EEF2: variants seen among roughly 807,000 people sequenced by gnomAD.
The protein encoded by EEF2 is eukaryotic translation elongation factor 2, also known as elongation factor 2.
EEF2 carries 21 observed loss-of-function variants against 85.3 expected under a neutral mutation model. The observed-to-expected ratio is 0.25, with a 90% CI of 0.17 to 0.35. The LOEUF (loss-of-function observed/expected upper bound fraction) is 0.35, where lower values mean the gene tolerates loss of function less well. Ranked by LOEUF, EEF2 falls within the 10% of genes least tolerant of loss-of-function variation. The pLI, the probability that EEF2 is intolerant of heterozygous loss-of-function variation, is 1.00. For synonymous variants in EEF2, 723 were observed against 508.8 expected, an observed-to-expected ratio of 1.42 and a Z score of -5.67; for missense variants, 825 against 1,225.3, an observed-to-expected ratio of 0.67 and a Z score of 4.88.
At chr19:3,983,319 G>T (rs1022895526) in intron 2 of EEF2, 28 bp from the exon 3 acceptor site, 1 of 1,605,084 alleles carries the variant, frequency 6.2e-7, no homozygotes. Context: ...TCGTCAGGGG[G>T]ACAGGAGCCA....
At chr19:3,981,089 C>A in intron 7 of EEF2, 110 bp from the exon 8 acceptor site, 1 of 1,458,424 alleles carries the variant, frequency 6.9e-7, no homozygotes, top group South Asian at 1.4e-5. Context: ...GACTAACGTT[C>A]TCCAAAGCAC....
rs563092089 is a variant in EEF2 at position 3,977,563 on chromosome 19, G to A, written c.2115C>T (p.His705=). 8.6e-5 allele frequency: 136 copies of A among 1,573,310 alleles called. 1 individual carries two copies. In the South Asian group the frequency reaches 9.2e-4, roughly 11 times the overall value. The part of the protein sequence containing the change: ...ENMRGVRFDV[H]DVTLHADAIH... ...TGGCGTCGGCGTGCAGGGTGACGTC[G>A]TGGACGTCGAAGCGCACACCCCGCA... The change falls in exon 13 of 15, where the codon CAC becomes CAT. Residue 705 remains histidine, a synonymous_variant. Coordinates refer to ENST00000309311, the MANE Select transcript of EEF2 (RefSeq NM_001961.4). This position sits in a 1 kb window ranked among gnomAD's most constrained non-coding sequence, Gnocchi z 5.4.
intron 8 of EEF2, 40 bp from the exon 9 acceptor site, chr19:3,980,749 A>C: frequency 6.2e-7 from 1 of 1,604,678 alleles, no homozygotes; most frequent in African/African-American, 1.3e-5. Context: ...ATTCCAGTGC[A>C]GCTCAGCCTT....
chr19:3,983,959 A>AGG, intron 2 of EEF2, 177 bp downstream of exon 2: 2 of 678,416 alleles, frequency 2.9e-6, no homozygotes, highest in Non-Finnish European at 4.9e-6. Context: ...CAGTACCCCG[A>AGG]ATCCCTGTGC....
chr19:3,978,305 C>G, intron 11 of EEF2, 133 bp from the exon 12 acceptor site: 1 of 733,170 alleles, frequency 1.4e-6, no homozygotes, highest in South Asian at 2.6e-5. Context: ...CAGAACGAAG[C>G]GGAGTCAGTG....
intron 11 of EEF2, 58 bp from the exon 12 acceptor site, chr19:3,978,230 G>A (rs945326951): frequency 3.0e-5 from 41 of 1,385,620 alleles, no homozygotes; most frequent in Non-Finnish European, 3.6e-5. Flanking sequence ...CTTACACACA[G>A]ACGCATCCTT....
At chr19:3,978,227 A>G (rs913793636) in intron 11 of EEF2, 55 bp from the exon 12 acceptor site, 2 of 1,393,860 alleles carry the variant, frequency 1.4e-6, no homozygotes, top group African/African-American at 1.5e-5. Flanking sequence ...GACCTTACAC[A>G]CAGACGCATC....
Position 3,982,422 on chromosome 19 carries a change from G to T in EEF2, c.615C>A (p.Ile205=), listed in dbSNP as rs375130935. The T allele has an allele frequency of 6.8e-6, 11 of 1,614,036 alleles. No homozygotes were observed. Among genetic ancestry groups the T allele is most frequent in the South Asian group, 4.4e-5 (4 of 91,084 alleles). ...AGCCCACGGTACCGAGGACAGGATC[G>T]ATCTGGAAGTGTGAGAAACGAGAAG... ...GESGPMGNIM[I]DPVLGTVGFG... The change falls in exon 5 of 15, where the codon ATC becomes ATA. Residue 205 remains isoleucine (I), a splice_region_variant and synonymous_variant. Transcript: ENST00000309311.
At position 3,981,930 on chromosome 19, in the gene EEF2, G is replaced by A; in HGVS notation, c.897+17C>T. On this transcript the variant is annotated intron_variant, in intron 6 of 14. Transcript: ENST00000309311. ...AATAGTCGCATCGGCGGGGTGCCTG[G>A]CGCAGCCCTCACTCACCTTGAAGAT... The A allele has an allele frequency of 6.2e-7, 1 of 1,611,356 alleles. No individual in the cohort carries two copies. Among genetic ancestry groups the A allele is most frequent in the Non-Finnish European group, 8.5e-7 (1 of 1,178,168 alleles).
In EEF2 at chr19:3,978,051, C is replaced by T. The variant is rs773875633; in HGVS notation, c.1835G>A (p.Gly612Asp). ...LYMKARPFPD[G>D]LAEDIDKGEV... is the part of the protein sequence containing the mutation. ...GCCTTTATCGATGTCCTCGGCCAGG[C>T]CGTCGGGGAAGGGCCGCGCCTTCAT... Residue 612 changes from glycine (G) to aspartate (D), a missense_variant, in exon 12 of 15, where the codon GGC becomes GAC. Physicochemically the swap from Gly to Asp is moderately conservative, Grantham distance 94. Coordinates refer to ENST00000309311, the MANE Select transcript of EEF2 (RefSeq NM_001961.4). The T allele has an allele frequency of 6.3e-7, 1 of 1,593,590 alleles. No individual in the cohort carries two copies. Among genetic ancestry groups the T allele is most frequent in the South Asian group, 1.1e-5 (1 of 89,024 alleles).
chr19:3,980,946 C>T lies in EEF2; in HGVS notation c.1045G>A (p.Ala349Thr), dbSNP rs964727190. The change falls in exon 8 of 15, where the codon GCC becomes ACC. Residue 349 changes from alanine to threonine, a missense_variant. Coordinates refer to ENST00000309311, the MANE Select transcript of EEF2 (RefSeq NM_001961.4). ...TGGATGGTGATCATCTGCAACAAGG[C>T]GTCTCCGGCAGGCAGCCAGCGGCGC... ...VMRRWLPAGD[A>T]LLQMITIHLP... The T allele has an allele frequency of 5.7e-6, 9 of 1,573,878 alleles. No homozygotes were observed. The highest frequency in any genetic ancestry group is 4.7e-5 in the East Asian group (2 of 42,942).
rs879217358 is a variant in EEF2, at chr19:3,977,524, C to A, written c.2154G>T (p.Gly718=). The A allele has an allele frequency of 2.5e-6, 4 of 1,590,588 alleles. No individual in the cohort carries two copies. The South Asian group carries it at 3.4e-5, about 13-fold the overall frequency. Reference sequence around the variant, plus strand: ...GCCGTGCTGTGGGGATGATCTGGCCCCCTCCGCGGTGGATGGCGTCGGCGT... The same window carrying A: ...GCCGTGCTGTGGGGATGATCTGGCCACCTCCGCGGTGGATGGCGTCGGCGT... ...TLHADAIHRG[G]GQIIPTARRC... is the part of the protein sequence containing the mutation. Residue 718 remains glycine (G), a synonymous_variant, in exon 13 of 15, where the codon GGG becomes GGT. Transcript: ENST00000309311. The surrounding 1 kb of genome is among the most constrained non-coding windows in gnomAD (Gnocchi z 5.4).
At chr19:3,979,474 G>A (rs1289953227) in intron 10 of EEF2, 38 bp from the exon 11 acceptor site, 2 of 1,570,842 alleles carry the variant, frequency 1.3e-6, no homozygotes, top group Non-Finnish European at 1.7e-6. Context: ...GGGGTAGGCG[G>A]CTCGGAACAG....
chr19:3,984,001 A>G, intron 2 of EEF2, 135 bp downstream of exon 2: 1 of 912,330 alleles, frequency 1.1e-6, no homozygotes, highest in Non-Finnish European at 1.7e-6. Context: ...ACTGAACCTC[A>G]CTCATTCTCC....
chr19:3,977,785 G>C lies in EEF2; in HGVS notation c.2067+34C>G. On this transcript the variant is annotated intron_variant, in intron 12 of 14. Coordinates refer to ENST00000309311, the MANE Select transcript of EEF2 (RefSeq NM_001961.4). The surrounding 1 kb of genome is among the most constrained non-coding windows in gnomAD (Gnocchi z 5.4). ...TGAGGTCCCTCTAGAGCCTGGAAAC[G>C]GGTGTGGTCTGCACATGCTGAGCCG... 1 of 1,534,090 alleles carries C rather than the reference G, an allele frequency of 6.5e-7. No homozygotes were observed. The highest frequency in any genetic ancestry group is 1.2e-5 in the South Asian group (1 of 80,510).
chr19:3,981,567 G>A (rs1376795423), intron 6 of EEF2, 115 bp from the exon 7 acceptor site: 12 of 1,004,898 alleles, frequency 1.2e-5, no homozygotes, highest in Non-Finnish European at 1.7e-5. Flanking sequence ...CACGGGAGCA[G>A]GAGCAGGCCT....
intron 2 of EEF2, among the ~76,000 whole-genome samples, chr19:3,983,631 T>C (rs549737868): frequency 2.0e-5 from 3 of 152,002 alleles, no homozygotes; most frequent in Non-Finnish European, 4.4e-5. Context: ...GACCCTCCCC[T>C]CCTCACTTCT....
intron 9 of EEF2, among the ~76,000 whole-genome samples, 176 bp from the exon 10 acceptor site, chr19:3,980,242 A>T (rs1031365845): frequency 6.6e-6 from 1 of 152,334 alleles, no homozygotes; most frequent in South Asian, 2.1e-4. Flanking sequence ...CCTCTTCAGA[A>T]TCACTGCCCT....
intron 2 of EEF2, chr19:3,983,879 TG>T: frequency 1.9e-6 from 1 of 528,234 alleles, no homozygotes; most frequent in South Asian, 2.2e-5. Context: ...ATTGTAGGAG[TG>T]GGGGCAAGTC....
Sources: allele counts gnomAD v4.1 joint callset (sites outside exome capture counted in the v4.1 genomes callset), GRCh38; gene constraint gnomAD v4.1.1; non-coding constraint Gnocchi (gnomAD v3.1); transcripts MANE v1.5; gene names NCBI Gene and HGNC (gene_info 2026-07-23, HGNC 2026-07-21).